Variants in MACROD2 observed in about 807,000 individuals in gnomAD.
The protein encoded by MACROD2 is ADP-ribose glycohydrolase MACROD2.
A neutral mutation model predicts 70.4 loss-of-function variants in MACROD2; 36 were observed. The ratio of observed to expected loss-of-function variants is 0.51; its 90% confidence interval spans 0.39 to 0.68. MACROD2 has a LOEUF of 0.68. Ranked by LOEUF, MACROD2 falls within the 30% of genes least tolerant of loss-of-function variation. The probability of loss-of-function intolerance (pLI) is 0.00; values close to 1 mark genes in which losing one functional copy is unlikely to be tolerated. For missense variants in MACROD2, 496 were observed against 538.4 expected (o/e 0.92, Z 0.78); for synonymous variants, 172 against 178.8 (o/e 0.96, Z 0.30).
intron 3 of MACROD2, among the ~76,000 whole-genome samples, chr20:14,319,392 A>T (rs1202172183): frequency 6.6e-6 from 1 of 152,134 alleles, no homozygotes; most frequent in Non-Finnish European, 1.5e-5. Flanking sequence ...TCTTCATTGT[A>T]GATTCCTCTC....
chr20:15,171,983 G>A (rs2076425857), intron 5 of MACROD2, among the ~76,000 whole-genome samples: 1 of 152,190 alleles, frequency 6.6e-6, no homozygotes, highest in Non-Finnish European at 1.5e-5. Flanking sequence ...AATAAAAAAT[G>A]AATGAATGAA....
intron 3 of MACROD2, among the ~76,000 whole-genome samples, chr20:14,331,724 A>G (rs2082844858): frequency 6.6e-6 from 1 of 152,104 alleles, no homozygotes; most frequent in African/African-American, 2.4e-5. Context: ...TGGTTTTGGC[A>G]TATTAAAGGC....
At chr20:14,573,056 CT>C (rs11482403) in intron 4 of MACROD2, among the ~76,000 whole-genome samples, 3 of 150,708 alleles carry the variant, frequency 2.0e-5, no homozygotes, top group Non-Finnish European at 3.0e-5. Flanking sequence ...ATGAAATAGC[CT>C]TTTTTTTCCC....
At chr20:15,978,338 G>GCTTACAGC (rs2066340662) in intron 13 of MACROD2, among the ~76,000 whole-genome samples, 1 of 152,188 alleles carries the variant, frequency 6.6e-6, no homozygotes, top group Admixed American at 6.5e-5. Context: ...CGCCAGACTT[G>GCTTACAGC]CTTACAGCCC....
intron 8 of MACROD2, among the ~76,000 whole-genome samples, chr20:15,772,470 A>G (rs1238411829): frequency 6.6e-6 from 1 of 152,122 alleles, no homozygotes; most frequent in Non-Finnish European, 1.5e-5. Flanking sequence ...GAAGCTAAGT[A>G]ATCACAGATT....
chr20:15,401,604 G>A (rs2045931501), intron 6 of MACROD2, among the ~76,000 whole-genome samples: 6 of 152,118 alleles, frequency 3.9e-5, no homozygotes, highest in Admixed American at 3.9e-4. Flanking sequence ...TGAAAAATTG[G>A]GATGTTAATG....
intron 2 of MACROD2, among the ~76,000 whole-genome samples, chr20:14,080,590 A>G (rs540043625): frequency 3.9e-5 from 6 of 152,160 alleles, no homozygotes; most frequent in Non-Finnish European, 7.4e-5. Flanking sequence ...TATTTTGTAA[A>G]CAAGAGTTAA....
At chr20:14,339,171 A>G (rs1419776510) in intron 3 of MACROD2, among the ~76,000 whole-genome samples, 1 of 152,170 alleles carries the variant, frequency 6.6e-6, no homozygotes, top group Non-Finnish European at 1.5e-5. Flanking sequence ...CCTTCCAAGA[A>G]TGGGTGATAT....
chr20:14,527,397 C>G (rs1307584578), intron 4 of MACROD2, among the ~76,000 whole-genome samples: 4 of 152,144 alleles, frequency 2.6e-5, no homozygotes, highest in Non-Finnish European at 5.9e-5. Flanking sequence ...GGACCATGCT[C>G]TCCTCCTAGC....
intron 3 of MACROD2, among the ~76,000 whole-genome samples, chr20:14,340,729 G>A (rs990311170): frequency 5.3e-5 from 8 of 152,128 alleles, no homozygotes; most frequent in Non-Finnish European, 8.8e-5. Context: ...TGTGAATCTA[G>A]CATTGTACGT....
At chr20:15,726,046 C>T (rs186208738) in intron 8 of MACROD2, among the ~76,000 whole-genome samples, 9 of 152,090 alleles carry the variant, frequency 5.9e-5, no homozygotes, top group Admixed American at 2.6e-4. Context: ...AAGCATACTA[C>T]CCAATAGGTG....
chr20:14,967,441 G>T (rs6079616), intron 5 of MACROD2, among the ~76,000 whole-genome samples: 1 of 152,218 alleles, frequency 6.6e-6, no homozygotes, highest in African/African-American at 2.4e-5. Flanking sequence ...TAAGATTACA[G>T]GCGTGAGCCA....
In MACROD2 at chr20:15,881,884, A is replaced by G. The variant is rs556830634; in HGVS notation, c.728-3880A>G. ...AGCAAGATGGAGTCTGCTGTGTCAA[A>G]TTTCTTTCATTGTTATACTTTTTCT... On this transcript the variant is annotated intron_variant, in intron 9 of 17. Coordinates refer to ENST00000684519, the MANE Select transcript of MACROD2 (RefSeq NM_001351661.2). Among the ~76,000 whole-genome samples, 4 of 152,192 alleles carry G rather than the reference A, an allele frequency of 2.6e-5. No individual in the cohort carries two copies. In the South Asian group the frequency reaches 8.3e-4, roughly 32 times the overall value.
At chr20:14,790,148 T>A (rs2072432002) in intron 5 of MACROD2, among the ~76,000 whole-genome samples, 1 of 152,134 alleles carries the variant, frequency 6.6e-6, no homozygotes, top group South Asian at 2.1e-4. Context: ...TATAAACACT[T>A]CTTATTTGTT....
chr20:14,703,033 A>C (rs752776687), intron 5 of MACROD2, among the ~76,000 whole-genome samples: 39 of 151,812 alleles, frequency 2.6e-4, no homozygotes, highest in Non-Finnish European at 5.0e-4. Flanking sequence ...CAACCTAAAC[A>C]TTATATTTTT....
At chr20:14,793,407 A>G (rs986998472) in intron 5 of MACROD2, among the ~76,000 whole-genome samples, 5 of 151,848 alleles carry the variant, frequency 3.3e-5, no homozygotes, top group African/African-American at 9.7e-5. Context: ...CAACTTATTC[A>G]TTACATAGAC....
At chr20:14,679,414 A>C (rs942207929) in intron 4 of MACROD2, among the ~76,000 whole-genome samples, 2 of 152,132 alleles carry the variant, frequency 1.3e-5, no homozygotes, top group Non-Finnish European at 2.9e-5. Context: ...GAGGATGTGA[A>C]GGGAGAAAGT....
intron 5 of MACROD2, among the ~76,000 whole-genome samples, chr20:14,769,191 T>A (rs993226218): frequency 2.0e-5 from 3 of 152,102 alleles, no homozygotes; most frequent in African/African-American, 7.2e-5. Context: ...AGGGTAGTCA[T>A]CCTTCATGTA....
intron 15 of MACROD2, among the ~76,000 whole-genome samples, chr20:16,039,668 T>TGG (rs778680942): frequency 6.6e-5 from 10 of 152,002 alleles, no homozygotes; most frequent in Non-Finnish European, 1.5e-4. Flanking sequence ...GTTTCTTCTG[T>TGG]AATTGTGTGT....
Sources: gnomAD v4.1 joint callset for allele counts (sites outside exome capture counted in the v4.1 genomes callset) on GRCh38, gnomAD v4.1.1 for gene constraint, MANE v1.5 for transcripts, NCBI Gene and HGNC (gene_info 2026-07-23, HGNC 2026-07-21) for gene names.